Variants in DNAH7 observed in about 807,000 individuals in gnomAD.
DNAH7 encodes dynein axonemal heavy chain 7, also known as axonemal beta dynein heavy chain 7.
Under a neutral mutation model 444.6 loss-of-function variants are expected in DNAH7, and 397 were observed. The ratio of observed to expected loss-of-function variants is 0.89; its 90% CI spans 0.82 to 0.97. The LOEUF (loss-of-function observed/expected upper bound fraction) is 0.97. DNAH7 is among the 50% of genes least tolerant of loss of function. DNAH7 has a pLI of 0.00. For missense variants in DNAH7, 4,902 were observed against 4,800.8 expected, an observed-to-expected ratio of 1.02 and a Z score of -0.62; for synonymous variants, 1,636 against 1,624.4, an observed-to-expected ratio of 1.01 and a Z score of -0.17.
rs1688169996 is a variant in DNAH7, at chr2:195,923,810, GAAAGA to G, written c.3613-8_3613-4del. On this transcript the variant is annotated splice_polypyrimidine_tract_variant and splice_region_variant and intron_variant, in intron 22 of 64. Coordinates refer to ENST00000312428, the MANE Select transcript of DNAH7 (RefSeq NM_018897.3). ...GTTTTCAAGTATTGCTCAAGAGCCT[GAAAGA>G]AAAGAAAATAAGATATGATTTCCCA... The G allele has an allele frequency of 5.6e-6, 9 of 1,612,562 alleles. No individual in the cohort carries two copies. Among genetic ancestry groups the G allele is most frequent in the East Asian group, 4.5e-5 (2 of 44,806 alleles).
At chr2:195,791,375 G>GAAAA (rs545585624) in intron 57 of DNAH7, among the ~76,000 whole-genome samples, 1 of 101,562 alleles carries the variant, frequency 9.8e-6, no homozygotes, top group African/African-American at 3.7e-5. Context: ...GCTGAAGCAG[G>GAAAA]AAAAAAAAAA....
chr2:195,767,026 T>C (rs1447983726), intron 61 of DNAH7, among the ~76,000 whole-genome samples: 2 of 152,212 alleles, frequency 1.3e-5, no homozygotes, highest in South Asian at 2.1e-4. Flanking sequence ...GAGTCTATTA[T>C]GTTTGTTTTC....
chr2:195,809,609 T>G (rs1186341124), intron 52 of DNAH7, 136 bp downstream of exon 52: 27 of 765,686 alleles, frequency 3.5e-5, no homozygotes. Context: ...GATAACATCT[T>G]GCCTTAACTA....
chr2:195,852,192 AG>A (rs1194907312), intron 46 of DNAH7, among the ~76,000 whole-genome samples: 1 of 152,092 alleles, frequency 6.6e-6, no homozygotes, highest in Non-Finnish European at 1.5e-5. Flanking sequence ...CAGGAGGTGG[AG>A]CTTGCAGAGA....
chr2:195,871,777 A>G (rs1182151824), intron 40 of DNAH7, among the ~76,000 whole-genome samples: 1 of 84,692 alleles, frequency 1.2e-5, no homozygotes, highest in Non-Finnish European at 2.1e-5. Flanking sequence ...TAAAAATACA[A>G]AAAATTAGCC....
chr2:195,775,857 G>T lies in DNAH7; in HGVS notation c.11191C>A (p.Leu3731Ile). ...SETQLLFDNI[L>I]LTQSRSAGAG... is the part of the protein sequence containing the mutation. ...TACAGATCACACACCTGTGTAAGAA[G>T]AATGTTATCAAATAGCAGCTGAGTT... Residue 3731 changes from leucine (L) to isoleucine (I), a missense_variant, in exon 60 of 65, where the codon CTT becomes ATT. By Grantham distance (5) the Leu-to-Ile change is conservative. Coordinates refer to ENST00000312428, the MANE Select transcript of DNAH7 (RefSeq NM_018897.3). The T allele has an allele frequency of 6.2e-7, 1 of 1,614,070 alleles. No individual in the cohort carries two copies. Among genetic ancestry groups the T allele is most frequent in the Middle Eastern group, 1.7e-4 (1 of 6,054 alleles).
chr2:195,825,409 TTTGAC>T (rs1272345726), intron 48 of DNAH7, among the ~76,000 whole-genome samples: 6 of 152,230 alleles, frequency 3.9e-5, no homozygotes, highest in Admixed American at 3.9e-4. Flanking sequence ...TAATTATTTT[TTTGAC>T]TTAACAGCAT....
Position 195,864,971 on chromosome 2 carries a change from C to A in DNAH7, c.6684G>T (p.Trp2228Cys), listed in dbSNP as rs762101088. 6.2e-6 allele frequency: 10 copies of A among 1,606,204 alleles called. No homozygotes were observed. Among genetic ancestry groups the A allele is most frequent in the Non-Finnish European group, 8.5e-6 (10 of 1,179,934 alleles). The change falls in exon 41 of 65, where the codon TGG becomes TGT. Residue 2228 changes from tryptophan to cysteine, a missense_variant. Physicochemically the swap from Trp to Cys is radical, Grantham distance 215. Coordinates refer to ENST00000312428, the MANE Select transcript of DNAH7 (RefSeq NM_018897.3). Reference sequence around the variant, plus strand: ...AAATTTCTTGAATGTAGTTGATGAGCCAGCTTCTGTCTGTATTGTCCAGAA... The same window carrying A: ...AAATTTCTTGAATGTAGTTGATGAGACAGCTTCTGTCTGTATTGTCCAGAA... ...DRLLDNTDRS[W>C]LINYIQEILR...
Position 196,068,687 on chromosome 2 carries a change from G to A in DNAH7, c.15+10C>T. 1 of 1,551,206 alleles carries A rather than the reference G, an allele frequency of 6.4e-7. No individual in the cohort carries two copies. Among genetic ancestry groups the A allele is most frequent in the Non-Finnish European group, 8.7e-7 (1 of 1,147,110 alleles). On this transcript the variant is annotated intron_variant, in intron 1 of 64. Transcript: ENST00000312428. ...GCGGCGGCGAGCCTGGCAAAGAGCA[G>A]CCCTCTCACCTGCTCACTGCTCATG...
chr2:195,938,344 T>TCA (rs68056425), intron 19 of DNAH7, among the ~76,000 whole-genome samples: 21,596 of 133,964 alleles, frequency 0.16, 1,605 homozygotes, highest in African/African-American at 0.22. Flanking sequence ...AAATAGACAT[T>TCA]CACACACACA....
chr2:195,980,863 C>G (rs1692528073), intron 15 of DNAH7, among the ~76,000 whole-genome samples: 1 of 150,342 alleles, frequency 6.7e-6, no homozygotes, highest in Non-Finnish European at 1.5e-5. Flanking sequence ...ACAATAAAAA[C>G]CACAGGACAG....
chr2:195,906,829 T>A lies in DNAH7; in HGVS notation c.4208-43A>T, dbSNP rs1687055860. ...TGAAATGACTTAGTAATACCACATA[T>A]AAACATGAGCTGTGCCATTCACTAC... is the stretch of plus-strand genomic sequence containing the variant. On this transcript the variant is annotated intron_variant, in intron 26 of 64. Transcript: ENST00000312428. 1.9e-6 allele frequency: 3 copies of A among 1,611,170 alleles called. No individual in the cohort carries two copies. The South Asian group carries it at 3.3e-5, about 18-fold the overall frequency.
chr2:196,057,958 A>T, intron 2 of DNAH7, 96 bp downstream of exon 2: 1 of 1,012,440 alleles, frequency 9.9e-7, no homozygotes, highest in Non-Finnish European at 1.4e-6. Flanking sequence ...TATAAAATTT[A>T]AAATCAGAAA....
At chr2:195,839,749 C>T (rs1221914253) in intron 47 of DNAH7, among the ~76,000 whole-genome samples, 1 of 151,648 alleles carries the variant, frequency 6.6e-6, no homozygotes, top group African/African-American at 2.4e-5. Flanking sequence ...TCTGGTCATA[C>T]ATTTAACAGC....
In DNAH7 at chr2:195,876,584, C is replaced by T. The variant is rs377539757; in HGVS notation, c.6077G>A (p.Arg2026Lys). 172 of 1,613,834 alleles carry T rather than the reference C, an allele frequency of 1.1e-4. No individual in the cohort carries two copies. Among genetic ancestry groups the T allele is most frequent in the Non-Finnish European group, 1.2e-4 (143 of 1,179,924 alleles). Reference sequence around the variant, plus strand: ...AGGAGGACCAAAAACTCCCTTTCTTCTCTTGTCCAATTTTGACATGACAAT... The same window carrying T: ...AGGAGGACCAAAAACTCCCTTTCTTTTCTTGTCCAATTTTGACATGACAAT... Reference protein sequence around the residue: ...QNIVMSKLDKRRKGVFGPPLG... With the variant: ...QNIVMSKLDKKRKGVFGPPLG... The change falls in exon 37 of 65, where the codon AGA becomes AAA. Residue 2026 changes from arginine (R) to lysine (K), a missense_variant. By Grantham distance (26) the Arg-to-Lys change is conservative. Coordinates refer to ENST00000312428, the MANE Select transcript of DNAH7 (RefSeq NM_018897.3).
chr2:195,874,121 C>T (rs1161368846), intron 38 of DNAH7, among the ~76,000 whole-genome samples: 1 of 152,098 alleles, frequency 6.6e-6, no homozygotes, highest in Non-Finnish European at 1.5e-5. Context: ...CCACAAGGCT[C>T]GAATTCAGCA....
At chr2:195,945,447 GAA>G (rs946315878) in intron 19 of DNAH7, among the ~76,000 whole-genome samples, 14 of 151,702 alleles carry the variant, frequency 9.2e-5, no homozygotes, top group Admixed American at 7.9e-4. Context: ...AGTCCTGTTG[GAA>G]AAAAAAGTCA....
rs563806722 is a variant in DNAH7, at chr2:195,943,318, C to A, written c.3079-6526G>T. On this transcript the variant is annotated intron_variant, in intron 19 of 64. Coordinates refer to ENST00000312428, the MANE Select transcript of DNAH7 (RefSeq NM_018897.3). ...TTTAAGGTCAATATTCATAGTAGGACCTTTACTATTACCGATGTCAGTCAA... is the reference window on the plus strand; with the variant it reads ...TTTAAGGTCAATATTCATAGTAGGAACTTTACTATTACCGATGTCAGTCAA... Among the ~76,000 whole-genome samples the A allele has an allele frequency of 6.1e-4, 93 of 152,212 alleles. 1 individual carries two copies. Among genetic ancestry groups the A allele is most frequent in the Non-Finnish European group, 7.9e-4 (54 of 68,004 alleles).
intron 30 of DNAH7, chr2:195,893,706 C>G (rs539385471): frequency 6.6e-6 from 1 of 152,210 alleles, no homozygotes; most frequent in African/African-American, 2.4e-5. Flanking sequence ...CTAAATGCAG[C>G]AAGGCTAGTG....
Sources: gnomAD v4.1 joint callset for allele counts (sites outside exome capture counted in the v4.1 genomes callset) on GRCh38, gnomAD v4.1.1 for gene constraint, MANE v1.5 for transcripts, NCBI Gene and HGNC (gene_info 2026-07-23, HGNC 2026-07-21) for gene names.